LYPD1: variants seen among roughly 807,000 people sequenced by gnomAD.
LYPD1 encodes the protein ly6/PLAUR domain-containing protein 1.
A neutral mutation model predicts 14.2 loss-of-function variants in LYPD1; 14 were observed. The observed-to-expected ratio is 0.99, with a 90% CI of 0.65 to 1.54. LYPD1 has a LOEUF of 1.54. Ranked by LOEUF, LYPD1 falls within the 40% of genes most tolerant of loss-of-function variation. LYPD1 has a pLI of 0.00. For synonymous variants in LYPD1, 85 were observed against 70.6 expected, an observed-to-expected ratio of 1.20 and a Z score of -1.02; for missense variants, 165 against 175.7, an observed-to-expected ratio of 0.94 and a Z score of 0.34.
intron 2 of LYPD1, among the ~76,000 whole-genome samples, chr2:132,662,085 A>G (rs1391231635): frequency 6.6e-6 from 1 of 152,194 alleles, no homozygotes; most frequent in Non-Finnish European, 1.5e-5. Context: ...ATTAACTATG[A>G]GGATACTACT....
intron 2 of LYPD1, among the ~76,000 whole-genome samples, chr2:132,661,473 C>T (rs554088601): frequency 6.6e-6 from 1 of 152,276 alleles, no homozygotes; most frequent in East Asian, 1.9e-4. Flanking sequence ...CTATCCCATT[C>T]CATAAGGTAG....
chr2:132,669,725 C>T lies in LYPD1; in HGVS notation c.52+156G>A. The stretch of plus-strand genomic sequence containing the variant: ...GCGCGGGACTTGGACACTTTCCCAG[C>T]CTCGCGCCCCGGGGCACCAGTCGCG... On this transcript the variant is annotated intron_variant, in intron 1 of 2. Transcript: ENST00000397463. This position sits in a 1 kb window ranked among gnomAD's most constrained non-coding sequence, Gnocchi z 4.3. 4.2e-6 allele frequency: 6 copies of T among 1,415,204 alleles called. No homozygotes were observed. Among genetic ancestry groups the T allele is most frequent in the Non-Finnish European group, 5.5e-6 (6 of 1,081,174 alleles). The allele number at this position is 1,415,204 out of a possible 1,614,324, so 87.7% of individuals were successfully genotyped here. A position where few individuals can be genotyped will look rare whatever the true frequency, so the allele number is the denominator to read the frequency against.
rs1042588500 is a variant in LYPD1, at chr2:132,644,480, A to G, written c.*1565T>C. On this transcript the variant is annotated 3_prime_UTR_variant, in exon 3 of 3. Transcript: ENST00000397463. Reference sequence around the variant, plus strand: ...AAACACATATGCTGTTGCAGATATGAGCATCATGATTATAGGTGTGCATAC... The same window carrying G: ...AAACACATATGCTGTTGCAGATATGGGCATCATGATTATAGGTGTGCATAC... 3.9e-5 allele frequency among the ~76,000 whole-genome samples: 6 copies of G among 152,262 alleles called. No homozygotes were observed. The highest frequency in any genetic ancestry group is 9.6e-5 in the African/African-American group (4 of 41,466).
At chr2:132,646,357 A>C in intron 2 of LYPD1, 77 bp from the exon 3 acceptor site, 5 of 985,330 alleles carry the variant, frequency 5.1e-6, no homozygotes, top group Non-Finnish European at 7.0e-6. Context: ...CCAAATCCAA[A>C]CGGACAGCTC....
rs2104886944 is a variant in LYPD1, at chr2:132,645,437, G to A, written c.*608C>T. The A allele has an allele frequency of 6.2e-7, 1 of 1,613,542 alleles. No individual in the cohort carries two copies. The highest frequency in any genetic ancestry group is 1.1e-5 in the South Asian group (1 of 91,078). On this transcript the variant is annotated 3_prime_UTR_variant, in exon 3 of 3. Coordinates refer to ENST00000397463, the MANE Select transcript of LYPD1 (RefSeq NM_144586.7). Reference sequence around the variant, plus strand: ...CGCCCGTTGCTCTTCGCGTCCCGGCGCCAGTCCTCTGCAAGGAGAACTGAG... The same window carrying A: ...CGCCCGTTGCTCTTCGCGTCCCGGCACCAGTCCTCTGCAAGGAGAACTGAG...
chr2:132,646,801 C>CTGAG (rs1553462665), intron 2 of LYPD1, among the ~76,000 whole-genome samples: 4 of 152,194 alleles, frequency 2.6e-5, no homozygotes, highest in Admixed American at 6.5e-5. Flanking sequence ...TGAATGGGCC[C>CTGAG]TGAGTTTTCC....
chr2:132,656,289 C>T (rs554638835), intron 2 of LYPD1, among the ~76,000 whole-genome samples: 32 of 152,296 alleles, frequency 2.1e-4, no homozygotes, highest in African/African-American at 7.7e-4. Context: ...CGAACTTTTC[C>T]AGCAAACTGC....
chr2:132,663,111 T>C (rs1482320781), intron 2 of LYPD1: 1 of 152,142 alleles, frequency 6.6e-6, no homozygotes, highest in African/African-American at 2.4e-5. Context: ...TCTTTTAGTG[T>C]CTGGAAAGGA....
chr2:132,669,833 TG>T lies in LYPD1; in HGVS notation c.52+47del, dbSNP rs1450126770. The T allele has an allele frequency of 1.4e-5, 22 of 1,605,132 alleles. No individual in the cohort carries two copies. The highest frequency in any genetic ancestry group is 1.9e-5 in the Non-Finnish European group (22 of 1,175,458). On this transcript the variant is annotated intron_variant, in intron 1 of 2. Transcript: ENST00000397463. The surrounding 1 kb of genome is among the most constrained non-coding windows in gnomAD (Gnocchi z 4.3). ...GGGGGCAAAAGGGCTGGCGGGTAGATGGATTGTGCGCACCTGGCCTCGGCTG... is the reference window on the plus strand; with the variant it reads ...GGGGGCAAAAGGGCTGGCGGGTAGATGATTGTGCGCACCTGGCCTCGGCTG...
intron 2 of LYPD1, among the ~76,000 whole-genome samples, chr2:132,660,890 A>C (rs1184498790): frequency 6.6e-6 from 1 of 152,128 alleles, no homozygotes. Flanking sequence ...AGACGACCAA[A>C]TCATGCCAGC....
chr2:132,668,968 C>A lies in LYPD1; in HGVS notation c.53-431G>T, dbSNP rs555201790. On this transcript the variant is annotated intron_variant, in intron 1 of 2. Transcript: ENST00000397463. ...TTGGCACCATTCGTGATTACATTCGCAGACGTCTTTTTAGTTTTTATTTAT... is the reference window on the plus strand; with the variant it reads ...TTGGCACCATTCGTGATTACATTCGAAGACGTCTTTTTAGTTTTTATTTAT... Among the ~76,000 whole-genome samples, 19 of 152,386 alleles carry A rather than the reference C, an allele frequency of 1.2e-4. 1 individual carries two copies. The highest frequency in any genetic ancestry group is 1.1e-3 in the Admixed American group (17 of 15,308).
In LYPD1 at chr2:132,645,587, T is replaced by TTCAGGAGCATGAAGTTTGAATGTCAA; in HGVS notation, c.*432_*457dup. Reference sequence around the variant, plus strand: ...GCCAATTCTGCTGCAGAGAATGGTTTTCAGGAGCATGAAGTTTGAATGTCA... The same window carrying TTCAGGAGCATGAAGTTTGAATGTCAA: ...GCCAATTCTGCTGCAGAGAATGGTTTTCAGGAGCATGAAGTTTGAATGTCAATCAGGAGCATGAAGTTTGAATGTCA... On this transcript the variant is annotated 3_prime_UTR_variant, in exon 3 of 3. Coordinates refer to ENST00000397463, the MANE Select transcript of LYPD1 (RefSeq NM_144586.7). 1 of 1,612,322 alleles carries TTCAGGAGCATGAAGTTTGAATGTCAA rather than the reference T, an allele frequency of 6.2e-7. No individual in the cohort carries two copies. The highest frequency in any genetic ancestry group is 1.1e-5 in the South Asian group (1 of 90,858).
At chr2:132,657,827 A>G (rs796976355) in intron 2 of LYPD1, among the ~76,000 whole-genome samples, 12 of 152,198 alleles carry the variant, frequency 7.9e-5, no homozygotes, top group African/African-American at 2.4e-4. Context: ...AATAATGGTG[A>G]TTTTCGGGAA....
chr2:132,646,949 G>A (rs1345006332), intron 2 of LYPD1, among the ~76,000 whole-genome samples: 1 of 151,860 alleles, frequency 6.6e-6, no homozygotes, highest in Non-Finnish European at 1.5e-5. Context: ...ACACACACTG[G>A]GTGCAAAAAA....
chr2:132,670,145 C>T lies in LYPD1; in HGVS notation c.-213G>A. On this transcript the variant is annotated 5_prime_UTR_variant, in exon 1 of 3. Transcript: ENST00000397463. The surrounding 1 kb of genome is among the most constrained non-coding windows in gnomAD (Gnocchi z 4.5). ...GGCTCCCGGCTGCGGGTCTCTGCTC[C>T]TCCCGCTCGCGCTCCCGGGCCGAGC... The T allele has an allele frequency of 6.5e-6, 9 of 1,380,518 alleles. No homozygotes were observed. Among genetic ancestry groups the T allele is most frequent in the Non-Finnish European group, 8.4e-6 (9 of 1,075,172 alleles). The allele number at this position is 1,380,518 out of a possible 1,614,324, so 85.5% of individuals were successfully genotyped here.
chr2:132,651,559 A>G (rs1011278823), intron 2 of LYPD1, among the ~76,000 whole-genome samples: 2 of 152,216 alleles, frequency 1.3e-5, no homozygotes, highest in Non-Finnish European at 2.9e-5. Context: ...CAAATAAAAC[A>G]GTCCCATTCC....
intron 2 of LYPD1, among the ~76,000 whole-genome samples, chr2:132,654,832 T>A (rs1435960536): frequency 3.3e-5 from 5 of 152,066 alleles, no homozygotes; most frequent in Non-Finnish European, 7.4e-5. Flanking sequence ...CACTGCAACC[T>A]ACACCTACCA....
At chr2:132,663,838 A>G (rs1204951583) in intron 2 of LYPD1, among the ~76,000 whole-genome samples, 2 of 152,160 alleles carry the variant, frequency 1.3e-5, no homozygotes, top group East Asian at 3.9e-4. Context: ...CTTCTAACAA[A>G]GTTGTTCTGC....
intron 2 of LYPD1, among the ~76,000 whole-genome samples, chr2:132,647,690 C>A (rs767238629): frequency 2.0e-5 from 3 of 152,154 alleles, no homozygotes; most frequent in African/African-American, 7.2e-5. Context: ...GTGTTTAATA[C>A]TAAAGCTAGA....
Sources: gnomAD v4.1 joint callset for allele counts (sites outside exome capture counted in the v4.1 genomes callset) on GRCh38, gnomAD v4.1.1 for gene constraint, Gnocchi (gnomAD v3.1) non-coding constraint, MANE v1.5 for transcripts, NCBI Gene and HGNC (gene_info 2026-07-23, HGNC 2026-07-21) for gene names.